Variants in COL21A1 observed in about 807,000 individuals in gnomAD.
COL21A1 encodes the protein collagen alpha-1(XXI) chain.
Under a neutral mutation model 137.9 loss-of-function variants are expected in COL21A1, and 149 were observed. That is an observed-to-expected ratio of 1.08 (90% CI 0.95 to 1.24). The LOEUF (loss-of-function observed/expected upper bound fraction) is 1.24. Ranked by LOEUF, COL21A1 falls within the 50% of genes most tolerant of loss-of-function variation. COL21A1 has a pLI of 0.00. For missense variants in COL21A1, 1,167 were observed against 1,158.4 expected, an observed-to-expected ratio of 1.01 and a Z score of -0.11; for synonymous variants, 456 against 391.5, an observed-to-expected ratio of 1.16 and a Z score of -1.95.
chr6:56,178,760 G>A (rs897324575), intron 3 of COL21A1, among the ~76,000 whole-genome samples: 2 of 152,050 alleles, frequency 1.3e-5, no homozygotes, highest in Non-Finnish European at 2.9e-5. Flanking sequence ...CAGTTATCAT[G>A]AACATGAAGT....
At chr6:56,115,415 A>T (rs1181484199) in intron 16 of COL21A1, among the ~76,000 whole-genome samples, 1 of 152,206 alleles carries the variant, frequency 6.6e-6, no homozygotes, top group South Asian at 2.1e-4. Context: ...TTTGTTCAAG[A>T]CAATCAAGTT....
At chr6:56,301,070 C>A (rs1353049656) in intron 1 of COL21A1, among the ~76,000 whole-genome samples, 2 of 152,102 alleles carry the variant, frequency 1.3e-5, no homozygotes, top group Non-Finnish European at 2.9e-5. Flanking sequence ...TAAGGCAAGG[C>A]AGAATAGCTA....
rs1777758185 is a variant in COL21A1 at position 56,179,773 on chromosome 6, C to T, written c.445G>A (p.Asp149Asn). 1 of 1,613,878 alleles carries T rather than the reference C, an allele frequency of 6.2e-7. No homozygotes were observed. Among genetic ancestry groups the T allele is most frequent in the Non-Finnish European group, 8.5e-7 (1 of 1,179,832 alleles). ...GCTTGAGCTGCATCCTTGACGTCATCTTGGGATTTGCCATCCGTAAGTACC... is the reference window on the plus strand; with the variant it reads ...GCTTGAGCTGCATCCTTGACGTCATTTTGGGATTTGCCATCCGTAAGTACC... ...AVVLTDGKSQDDVKDAAQAAR... is the reference protein window; with the variant it reads ...AVVLTDGKSQNDVKDAAQAAR... The change falls in exon 3 of 30, where the codon GAT becomes AAT. Residue 149 changes from aspartate to asparagine, a missense_variant. Asp to Asn is a conservative substitution (Grantham distance 23, BLOSUM62 1). Transcript: ENST00000244728.
At chr6:56,169,493 G>A (rs1237179467) in intron 5 of COL21A1, among the ~76,000 whole-genome samples, 1 of 151,628 alleles carries the variant, frequency 6.6e-6, no homozygotes, top group Non-Finnish European at 1.5e-5. Flanking sequence ...GGCTTTCCAG[G>A]CCCCTCATAA....
At chr6:56,160,313 T>C (rs1290173517) in intron 9 of COL21A1, among the ~76,000 whole-genome samples, 1 of 152,214 alleles carries the variant, frequency 6.6e-6, no homozygotes, top group African/African-American at 2.4e-5. Flanking sequence ...GCAGATACTT[T>C]TATTATTCCC....
At chr6:56,376,402 G>A (rs2093999325) in intron 1 of COL21A1, among the ~76,000 whole-genome samples, 1 of 151,948 alleles carries the variant, frequency 6.6e-6, no homozygotes, top group Non-Finnish European at 1.5e-5. Flanking sequence ...AAAGAAGCAT[G>A]AGTAAGAAAT....
At chr6:56,067,427 C>T (rs552033889) in intron 22 of COL21A1, 97 bp from the exon 23 acceptor site, 10 of 1,082,768 alleles carry the variant, frequency 9.2e-6, no homozygotes, top group South Asian at 8.8e-5. Context: ...AACAACATCT[C>T]GTGCAAACTC....
At chr6:56,269,238 C>T (rs897177186) in intron 1 of COL21A1, among the ~76,000 whole-genome samples, 6 of 152,090 alleles carry the variant, frequency 3.9e-5, no homozygotes, top group African/African-American at 1.4e-4. Flanking sequence ...AGCTAACATG[C>T]CAATTCAAGA....
intron 1 of COL21A1, among the ~76,000 whole-genome samples, chr6:56,296,929 A>G (rs1039907832): frequency 2.6e-5 from 4 of 152,048 alleles, no homozygotes; most frequent in Admixed American, 6.6e-5. Flanking sequence ...CATCATTGAC[A>G]TGACTAGCAA....
At chr6:56,270,268 TC>T (rs1320509667) in intron 1 of COL21A1, among the ~76,000 whole-genome samples, 18 of 152,334 alleles carry the variant, frequency 1.2e-4, no homozygotes, top group Admixed American at 7.2e-4. Flanking sequence ...AGATTGCTAT[TC>T]TTATGTCAGC....
chr6:56,381,003 G>T (rs1048221038), intron 1 of COL21A1, among the ~76,000 whole-genome samples: 1 of 152,034 alleles, frequency 6.6e-6, no homozygotes, highest in African/African-American at 2.4e-5. Context: ...TGTGACCAAA[G>T]GCTCTCACAG....
At chr6:56,363,804 C>T (rs1300470273) in intron 1 of COL21A1, among the ~76,000 whole-genome samples, 3 of 152,188 alleles carry the variant, frequency 2.0e-5, no homozygotes, top group East Asian at 1.9e-4. Flanking sequence ...CCCAAACAAC[C>T]CCCAAGGGGA....
intron 3 of COL21A1, among the ~76,000 whole-genome samples, chr6:56,172,953 C>G (rs905316720): frequency 4.0e-5 from 6 of 151,462 alleles, no homozygotes; most frequent in Non-Finnish European, 8.8e-5. Flanking sequence ...AGCAATAAAA[C>G]ACAAAGGAAG....
intron 1 of COL21A1, among the ~76,000 whole-genome samples, chr6:56,314,215 G>C (rs7749483): frequency 0.69 from 104,854 of 152,044 alleles, 37,594 homozygotes; most frequent in African/African-American, 0.88. Context: ...CATCTCCTGA[G>C]CTTGTGATCT....
At chr6:56,097,996 A>AATATAAAAAT (rs1769657458) in intron 17 of COL21A1, among the ~76,000 whole-genome samples, 1 of 4,068 alleles carries the variant, frequency 2.5e-4, no homozygotes, top group African/African-American at 8.4e-4. Context: ...TATATATGTA[A>AATATAAAAAT]ATATATAAAT....
chr6:56,255,334 GGTGTGT>G (rs71783697), intron 1 of COL21A1, among the ~76,000 whole-genome samples: 8,116 of 145,498 alleles, frequency 0.056, 260 homozygotes, highest in African/African-American at 0.07. Flanking sequence ...TTGTTAAGAG[GGTGTGT>G]GTGTGTGTGT....
chr6:56,122,133 G>A (rs114852442), intron 16 of COL21A1, among the ~76,000 whole-genome samples: 1 of 152,052 alleles, frequency 6.6e-6, no homozygotes, highest in African/African-American at 2.4e-5. Flanking sequence ...AAATGTCATG[G>A]TAATTGAAAG....
Position 56,111,416 on chromosome 6 carries a change from A to C in COL21A1, c.1759-9891T>G, listed in dbSNP as rs1292110821. Among the ~76,000 whole-genome samples, 4 of 152,176 alleles carry C rather than the reference A, an allele frequency of 2.6e-5. No individual in the cohort carries two copies. In the East Asian group the frequency reaches 7.7e-4, roughly 29 times the overall value. On this transcript the variant is annotated intron_variant, in intron 16 of 29. Transcript: ENST00000244728. ...CTAATGAAACCCAAATAAAGTATGG[A>C]GTCCAGTTGACAGTAATGTGCCAAT...
At chr6:56,266,945 G>C (rs925173481) in intron 1 of COL21A1, among the ~76,000 whole-genome samples, 2 of 151,998 alleles carry the variant, frequency 1.3e-5, no homozygotes, top group South Asian at 4.2e-4. Context: ...CAAACAGCTC[G>C]GGCAGAATGT....
Sources: gnomAD v4.1 joint callset for allele counts (sites outside exome capture counted in the v4.1 genomes callset) on GRCh38, gnomAD v4.1.1 for gene constraint, MANE v1.5 for transcripts, NCBI Gene and HGNC (gene_info 2026-07-23, HGNC 2026-07-21) for gene names.